Variants in CSMD1 observed in about 807,000 individuals in gnomAD.
CSMD1 encodes the protein CUB and Sushi multiple domains 1, also known as CUB and sushi domain-containing protein 1.
A neutral mutation model predicts 417.5 loss-of-function variants in CSMD1; 213 were observed. The ratio of observed to expected loss-of-function variants is 0.51; its 90% CI spans 0.46 to 0.57. CSMD1 has a LOEUF of 0.57. CSMD1 is among the 20% of genes least tolerant of loss of function. The pLI is 0.00. For missense variants in CSMD1, 6,923 were observed against 4,529.7 expected, an observed-to-expected ratio of 1.53 and a Z score of -15.17; for synonymous variants, 2,862 against 1,736.8, an observed-to-expected ratio of 1.65 and a Z score of -16.11.
At chr8:3,526,927 G>A (rs574766390) in intron 10 of CSMD1, among the ~76,000 whole-genome samples, 1 of 152,292 alleles carries the variant, frequency 6.6e-6, no homozygotes, top group Admixed American at 6.5e-5. Flanking sequence ...ATGGTGTCCA[G>A]GGGATAAGAT....
chr8:3,316,545 T>G (rs1443289490), intron 23 of CSMD1, among the ~76,000 whole-genome samples: 7 of 151,934 alleles, frequency 4.6e-5, no homozygotes, highest in Admixed American at 3.9e-4. Flanking sequence ...GGAGAGGGTT[T>G]GAGCAGGTCT....
At chr8:3,370,851 C>T (rs1331818293) in intron 18 of CSMD1, among the ~76,000 whole-genome samples, 1 of 152,034 alleles carries the variant, frequency 6.6e-6, no homozygotes, top group Non-Finnish European at 1.5e-5. Flanking sequence ...TGGCAGAAGC[C>T]TACAATTCCA....
At chr8:3,322,096 C>G (rs868010347) in intron 23 of CSMD1, among the ~76,000 whole-genome samples, 3 of 152,108 alleles carry the variant, frequency 2.0e-5, no homozygotes, top group African/African-American at 2.4e-5. Context: ...AAAGTCAGTG[C>G]AGACATCTTC....
intron 3 of CSMD1, among the ~76,000 whole-genome samples, chr8:4,375,767 A>G (rs1383278309): frequency 1.3e-5 from 2 of 152,138 alleles, no homozygotes; most frequent in African/African-American, 2.4e-5. Context: ...CTGTCTTTGT[A>G]CAGTGATTTC....
intron 2 of CSMD1, among the ~76,000 whole-genome samples, chr8:4,446,857 G>C (rs565949796): frequency 6.6e-6 from 1 of 151,256 alleles, no homozygotes; most frequent in Non-Finnish European, 1.5e-5. Flanking sequence ...TCCTGACCTT[G>C]TGATCCACCC....
At chr8:3,428,957 C>T (rs899987537) in intron 12 of CSMD1, among the ~76,000 whole-genome samples, 6 of 152,148 alleles carry the variant, frequency 3.9e-5, no homozygotes, top group Admixed American at 3.9e-4. Context: ...AGCACATCAT[C>T]ATCTCACTTT....
chr8:3,461,938 G>A (rs1409836357), intron 12 of CSMD1, among the ~76,000 whole-genome samples: 2 of 152,234 alleles, frequency 1.3e-5, no homozygotes, highest in African/African-American at 2.4e-5. Context: ...TAAGGAGGCA[G>A]ATCCTCACAT....
chr8:4,292,177 G>T (rs1797407018), intron 3 of CSMD1, among the ~76,000 whole-genome samples: 1 of 152,174 alleles, frequency 6.6e-6, no homozygotes, highest in Non-Finnish European at 1.5e-5. Context: ...ATAGATTTCA[G>T]AAGGGATGGA....
At chr8:4,819,904 G>C (rs770589884) in intron 1 of CSMD1, among the ~76,000 whole-genome samples, 2 of 151,892 alleles carry the variant, frequency 1.3e-5, no homozygotes, top group Non-Finnish European at 2.9e-5. Flanking sequence ...TTTGGGGGTG[G>C]GGAGAACCAT....
intron 40 of CSMD1, among the ~76,000 whole-genome samples, chr8:3,143,420 T>C (rs184336344): frequency 2.6e-4 from 39 of 152,336 alleles, no homozygotes; most frequent in African/African-American, 7.0e-4. Flanking sequence ...CAAAAGACTG[T>C]TCAAATGACC....
chr8:3,488,375 C>T (rs939309301), intron 11 of CSMD1, among the ~76,000 whole-genome samples: 6 of 152,012 alleles, frequency 3.9e-5, no homozygotes, highest in East Asian at 3.9e-4. Context: ...CCCAAAGTTC[C>T]GGGATTATAG....
chr8:4,894,667 A>C (rs1192202306), intron 1 of CSMD1, among the ~76,000 whole-genome samples: 1 of 151,322 alleles, frequency 6.6e-6, no homozygotes, highest in African/African-American at 2.4e-5. Flanking sequence ...AATGTGTTTC[A>C]TTCTTGATTT....
At chr8:3,902,324 A>C (rs565198069) in intron 5 of CSMD1, among the ~76,000 whole-genome samples, 1 of 152,282 alleles carries the variant, frequency 6.6e-6, no homozygotes, top group African/African-American at 2.4e-5. Context: ...TTACCCAGTA[A>C]GGAGTTTTTT....
At chr8:3,080,511 A>T (rs1814010139) in intron 49 of CSMD1, among the ~76,000 whole-genome samples, 1 of 152,164 alleles carries the variant, frequency 6.6e-6, no homozygotes, top group African/African-American at 2.4e-5. Flanking sequence ...CCATCTTCTC[A>T]CTCACAGACA....
At chr8:3,070,181 C>G (rs966558327) in intron 49 of CSMD1, among the ~76,000 whole-genome samples, 2 of 152,234 alleles carry the variant, frequency 1.3e-5, no homozygotes, top group Non-Finnish European at 2.9e-5. Flanking sequence ...CCATAAAGGT[C>G]TCTGAAATAC....
intron 1 of CSMD1, among the ~76,000 whole-genome samples, chr8:4,722,538 G>T (rs1282321974): frequency 6.6e-6 from 1 of 152,058 alleles, no homozygotes; most frequent in Non-Finnish European, 1.5e-5. Context: ...TGCTCTGAAT[G>T]GGGTAGAACT....
At chr8:4,944,801 G>C (rs1450985670) in intron 1 of CSMD1, among the ~76,000 whole-genome samples, 1 of 152,082 alleles carries the variant, frequency 6.6e-6, no homozygotes, top group African/African-American at 2.4e-5. Flanking sequence ...CTCTTGGTGG[G>C]AATGCAAAAT....
At chr8:4,669,552 G>C (rs550295223) in intron 1 of CSMD1, among the ~76,000 whole-genome samples, 23 of 152,130 alleles carry the variant, frequency 1.5e-4, no homozygotes, top group Admixed American at 1.5e-3. Flanking sequence ...AATTTTCAGA[G>C]ATTTTTTTAC....
intron 2 of CSMD1, among the ~76,000 whole-genome samples, chr8:4,602,906 C>G (rs1239851801): frequency 6.6e-6 from 1 of 151,352 alleles, no homozygotes; most frequent in African/African-American, 2.4e-5. Flanking sequence ...ATGATATGAT[C>G]TAGGTTAAAA....
Sources: gnomAD v4.1 joint callset for allele counts (sites outside exome capture counted in the v4.1 genomes callset) on GRCh38, gnomAD v4.1.1 for gene constraint, MANE v1.5 for transcripts, NCBI Gene and HGNC (gene_info 2026-07-23, HGNC 2026-07-21) for gene names.